RABEP1: variants seen among roughly 807,000 people sequenced by gnomAD.
RABEP1 encodes the protein rabaptin, RAB GTPase binding effector protein 1.
A neutral mutation model predicts 123.4 loss-of-function variants in RABEP1; 51 were observed. The ratio of observed to expected loss-of-function variants is 0.41; its 90% CI spans 0.33 to 0.52. RABEP1 has a LOEUF of 0.52. Ranked by LOEUF, RABEP1 falls within the 20% of genes least tolerant of loss-of-function variation. The pLI, the probability that RABEP1 is intolerant of heterozygous loss-of-function variation, is 0.16. For synonymous variants in RABEP1, 347 were observed against 355.2 expected (o/e 0.98, Z 0.26); for missense variants, 888 against 996.3 (o/e 0.89, Z 1.46).
intron 1 of RABEP1, among the ~76,000 whole-genome samples, chr17:5,291,192 C>T (rs1263461975): frequency 6.6e-6 from 1 of 152,122 alleles, no homozygotes; most frequent in African/African-American, 2.4e-5. Context: ...GGGTGGACCA[C>T]GCGGTCAGGA....
At chr17:5,327,168 C>T (rs1906059424) in intron 2 of RABEP1, among the ~76,000 whole-genome samples, 1 of 151,988 alleles carries the variant, frequency 6.6e-6, no homozygotes, top group African/African-American at 2.4e-5. Flanking sequence ...GCCAACATGG[C>T]GACACTCCGT....
chr17:5,353,716 G>GTGCA (rs2144655248), intron 7 of RABEP1, among the ~76,000 whole-genome samples: 1 of 152,212 alleles, frequency 6.6e-6, no homozygotes, highest in South Asian at 2.1e-4. Context: ...AGGCATGGTG[G>GTGCA]TGCATGCCTG....
chr17:5,351,935 G>T (rs1484745252), intron 7 of RABEP1, among the ~76,000 whole-genome samples: 1 of 151,934 alleles, frequency 6.6e-6, no homozygotes, highest in Non-Finnish European at 1.5e-5. Context: ...TATCTAGGTG[G>T]TCCCCCTTTT....
At chr17:5,366,788 T>G (rs1299737612) in intron 11 of RABEP1, among the ~76,000 whole-genome samples, 1 of 151,878 alleles carries the variant, frequency 6.6e-6, no homozygotes, top group Non-Finnish European at 1.5e-5. Flanking sequence ...ACAGAAGTCC[T>G]TAATAATGTA....
intron 2 of RABEP1, among the ~76,000 whole-genome samples, chr17:5,312,679 C>T (rs542923391): frequency 2.7e-4 from 41 of 152,178 alleles, no homozygotes; most frequent in African/African-American, 9.4e-4. Context: ...CATGGTGGCA[C>T]TCTGCAAGAC....
intron 1 of RABEP1, among the ~76,000 whole-genome samples, chr17:5,298,440 T>C (rs1197309830): frequency 6.6e-6 from 1 of 152,204 alleles, no homozygotes; most frequent in Non-Finnish European, 1.5e-5. Context: ...CAATTACTGT[T>C]TATATTAGAG....
intron 12 of RABEP1, among the ~76,000 whole-genome samples, chr17:5,369,603 A>C (rs1421803085): frequency 6.6e-6 from 1 of 152,202 alleles, no homozygotes; most frequent in Non-Finnish European, 1.5e-5. Flanking sequence ...AAAATACAAT[A>C]TAACACTGGC....
chr17:5,320,373 A>G (rs1213830894), intron 2 of RABEP1, among the ~76,000 whole-genome samples: 1 of 148,826 alleles, frequency 6.7e-6, no homozygotes, highest in Non-Finnish European at 1.5e-5. Flanking sequence ...CCCACAAGAA[A>G]TGCTAAAGGG....
intron 9 of RABEP1, 80 bp from the exon 10 acceptor site, chr17:5,362,832 G>C: frequency 1.1e-6 from 1 of 912,618 alleles, no homozygotes; most frequent in South Asian, 1.4e-5. Context: ...GACTACCATT[G>C]GTAAGACTAT....
chr17:5,356,881 CT>C (rs572387356), intron 8 of RABEP1, among the ~76,000 whole-genome samples: 9 of 124,068 alleles, frequency 7.3e-5, no homozygotes, highest in South Asian at 2.5e-4. Context: ...TCTATTTGCA[CT>C]TTTTTTTTTA....
In RABEP1 at chr17:5,293,294, CA is replaced by C. The variant is rs879454476; in HGVS notation, c.34+10785del. Among the ~76,000 whole-genome samples the C allele has an allele frequency of 1.3e-3, 187 of 145,604 alleles. 2 individuals carry two copies. Among genetic ancestry groups the C allele is most frequent in the East Asian group, 9.9e-3 (50 of 5,034 alleles). ...AAGAGGGAAACTCTGTCTCCCCCCT[CA>C]AAAAAAAAAATCTGTATATCTTTCT... On this transcript the variant is annotated intron_variant, in intron 1 of 17. Transcript: ENST00000537505.
At chr17:5,323,799 AATATAT>A (rs1190446236) in intron 2 of RABEP1, among the ~76,000 whole-genome samples, 1 of 104,478 alleles carries the variant, frequency 9.6e-6, no homozygotes, top group Non-Finnish European at 1.8e-5. Context: ...TATATCTAGG[AATATAT>A]ATATATATCT....
At chr17:5,311,229 C>G (rs936925734) in intron 2 of RABEP1, among the ~76,000 whole-genome samples, 1 of 152,112 alleles carries the variant, frequency 6.6e-6, no homozygotes, top group Non-Finnish European at 1.5e-5. Context: ...TAGCAAGTTA[C>G]CAGTTGGCGG....
chr17:5,382,458 C>T (rs1263320131), intron 17 of RABEP1, among the ~76,000 whole-genome samples: 1 of 151,498 alleles, frequency 6.6e-6, no homozygotes, highest in African/African-American at 2.4e-5. Context: ...ACTTTAAAAT[C>T]CTAGTCTGGG....
intron 10 of RABEP1, chr17:5,364,239 G>T (rs549998414): frequency 6.6e-6 from 1 of 152,318 alleles, no homozygotes; most frequent in East Asian, 1.9e-4. Flanking sequence ...GTCAGAAAAA[G>T]AAGTGGGAAA....
At chr17:5,365,328 C>A in intron 11 of RABEP1, 90 bp downstream of exon 11, 2 of 887,230 alleles carry the variant, frequency 2.3e-6, no homozygotes, top group Non-Finnish European at 3.3e-6. Context: ...TTTTTTTTTG[C>A]CTTGAAGATT....
At chr17:5,363,327 C>A (rs1284621669) in intron 10 of RABEP1, among the ~76,000 whole-genome samples, 2 of 151,458 alleles carry the variant, frequency 1.3e-5, no homozygotes, top group East Asian at 2.0e-4. Flanking sequence ...TCAAGTGATT[C>A]TTCTCCCTCA....
intron 2 of RABEP1, among the ~76,000 whole-genome samples, chr17:5,316,073 G>A (rs2075292179): frequency 6.6e-6 from 1 of 152,160 alleles, no homozygotes; most frequent in Non-Finnish European, 1.5e-5. Context: ...TTTATATGCT[G>A]CTAAATTATG....
At chr17:5,334,063 T>C (rs9901039) in intron 3 of RABEP1, among the ~76,000 whole-genome samples, 2,411 of 151,938 alleles carry the variant, frequency 0.016, 60 homozygotes, top group African/African-American at 0.056. Flanking sequence ...TTTTTTTTTT[T>C]TTTTGAGATA....
Sources: gnomAD v4.1 joint callset for allele counts (sites outside exome capture counted in the v4.1 genomes callset) on GRCh38, gnomAD v4.1.1 for gene constraint, MANE v1.5 for transcripts, NCBI Gene and HGNC (gene_info 2026-07-23, HGNC 2026-07-21) for gene names.